The following PRDM15 variants were observed in gnomAD, a reference collection of about 807,000 sequenced individuals.
PRDM15 encodes the protein PR domain zinc finger protein 15.
In PRDM15, 64 loss-of-function variants were observed where a neutral mutation model predicts 128.6. The ratio of observed to expected loss-of-function variants is 0.50; its 90% CI spans 0.41 to 0.61. The LOEUF (loss-of-function observed/expected upper bound fraction) is 0.61. Among genes scored for constraint, PRDM15 ranks in the 20% least tolerant of loss-of-function variants. The pLI is 0.00. For synonymous variants in PRDM15, 615 were observed against 621.8 expected, an observed-to-expected ratio of 0.99 and a Z score of 0.16; for missense variants, 1,242 against 1,569.1, an observed-to-expected ratio of 0.79 and a Z score of 3.52.
chr21:41,832,675 C>T lies in PRDM15; in HGVS notation c.1366+2762G>A, dbSNP rs1489567032. Among the ~76,000 whole-genome samples, 1 of 152,076 alleles carries T rather than the reference C, an allele frequency of 6.6e-6. No homozygotes were observed. The highest frequency in any genetic ancestry group is 2.4e-5 in the African/African-American group (1 of 41,392). On this transcript the variant is annotated intron_variant, in intron 11 of 23. Transcript: ENST00000398548. This position sits in a 1 kb window ranked among gnomAD's most constrained non-coding sequence, Gnocchi z 4.2. ...TAAAGAGCACAGGTGAGCCTCCTTCCCAGGCAGGTACCAACCAATACAAGT... is the reference window on the plus strand; with the variant it reads ...TAAAGAGCACAGGTGAGCCTCCTTCTCAGGCAGGTACCAACCAATACAAGT...
At chr21:41,806,261 C>T (rs1285807623) in intron 21 of PRDM15, among the ~76,000 whole-genome samples, 1 of 858 alleles carries the variant, frequency 1.2e-3, no homozygotes. Context: ...ACCACCATCA[C>T]CACCACCCAT....
At position 41,832,417 on chromosome 21, in the gene PRDM15, G is replaced by A. The variant is rs574511656; in HGVS notation, c.1366+3020C>T. ...ATCACCAGAGGCCACACCTTACAGCGCTGTGGCATCGGATCACCACAGGCC... is the reference window on the plus strand; with the variant it reads ...ATCACCAGAGGCCACACCTTACAGCACTGTGGCATCGGATCACCACAGGCC... On this transcript the variant is annotated intron_variant, in intron 11 of 23. Transcript: ENST00000398548. The surrounding 1 kb of genome is among the most constrained non-coding windows in gnomAD (Gnocchi z 4.2). 1.1e-4 allele frequency among the ~76,000 whole-genome samples: 16 copies of A among 149,958 alleles called. No individual in the cohort carries two copies. The South Asian group carries it at 2.1e-3, about 20-fold the overall frequency.
intron 11 of PRDM15, among the ~76,000 whole-genome samples, chr21:41,835,011 G>T (rs908445584): frequency 6.6e-6 from 1 of 152,188 alleles, no homozygotes; most frequent in East Asian, 1.9e-4. Flanking sequence ...AGGAGATGTG[G>T]ATGGAGGAGG....
intron 6 of PRDM15, among the ~76,000 whole-genome samples, chr21:41,843,282 T>A (rs565040912): frequency 6.6e-6 from 1 of 152,320 alleles, no homozygotes; most frequent in South Asian, 2.1e-4. Context: ...AACACATCAG[T>A]TAATGCTCGA....
In PRDM15 at chr21:41,860,379, GGA is replaced by G; in HGVS notation, c.-9-9_-9-8del. 6.2e-7 allele frequency: 1 copy of G among 1,612,892 alleles called. No individual in the cohort carries two copies. Among genetic ancestry groups the G allele is most frequent in the Non-Finnish European group, 8.5e-7 (1 of 1,178,968 alleles). On this transcript the variant is annotated splice_polypyrimidine_tract_variant and splice_region_variant and intron_variant, in intron 1 of 23. Transcript: ENST00000398548. ...CTTCAGCCATCTCTGACACCTGTCA[GGA>G]TACAAGAGAGCCTCATTAATGACAA...
At chr21:41,873,641 C>T (rs536543010) in intron 1 of PRDM15, among the ~76,000 whole-genome samples, 5 of 152,146 alleles carry the variant, frequency 3.3e-5, no homozygotes, top group Admixed American at 1.3e-4. Flanking sequence ...ATTTCTTCTC[C>T]GTTCTCACTT....
rs1415747885 is a variant in PRDM15 at position 41,800,945 on chromosome 21, A to T, written c.*295T>A. ...CTTTCCCGAACCCTGTGTCGGGCGAACACTGGTTCTGTAAGGGGAGGCAGA... is the reference window on the plus strand; with the variant it reads ...CTTTCCCGAACCCTGTGTCGGGCGATCACTGGTTCTGTAAGGGGAGGCAGA... On this transcript the variant is annotated 3_prime_UTR_variant, in exon 24 of 24. Transcript: ENST00000398548. The T allele has an allele frequency of 5.6e-6, 2 of 355,598 alleles. No individual in the cohort carries two copies. The highest frequency in any genetic ancestry group is 8.8e-5 in the East Asian group (2 of 22,796). The allele number at this position is 355,598 out of a possible 1,614,324, so 22.0% of individuals were successfully genotyped here.
Position 41,864,740 on chromosome 21 carries a change from C to T in PRDM15, c.-9-4368G>A, listed in dbSNP as rs747490342. On this transcript the variant is annotated intron_variant, in intron 1 of 23. Coordinates refer to ENST00000398548, the MANE Select transcript of PRDM15 (RefSeq NM_001040424.3). ...GGCCGCCAACCCATTTTCCACACTG[C>T]AGAGCAGTTCTTCTAGAACATAAAT... Among the ~76,000 whole-genome samples, 24 of 152,260 alleles carry T rather than the reference C, an allele frequency of 1.6e-4. No homozygotes were observed. The Middle Eastern group carries it at 0.01, about 65-fold the overall frequency.
At chr21:41,864,580 T>A (rs572617120) in intron 1 of PRDM15, among the ~76,000 whole-genome samples, 18 of 151,856 alleles carry the variant, frequency 1.2e-4, no homozygotes, top group Non-Finnish European at 2.1e-4. Flanking sequence ...CGCTGTGACC[T>A]CTCTCGCCTC....
chr21:41,829,425 A>G (rs2062604335), intron 11 of PRDM15, among the ~76,000 whole-genome samples: 1 of 151,976 alleles, frequency 6.6e-6, no homozygotes, highest in African/African-American at 2.4e-5. Context: ...AAATAACACC[A>G]CACACAGAAG....
At chr21:41,871,500 G>A (rs144082033) in intron 1 of PRDM15, 1 of 1,600,750 alleles carries the variant, frequency 6.2e-7, no homozygotes, top group Non-Finnish European at 8.5e-7. Context: ...CCACCAGGAG[G>A]TAGGGCAGGA....
chr21:41,861,432 TG>T, intron 1 of PRDM15: 1 of 743,786 alleles, frequency 1.3e-6, no homozygotes, highest in Non-Finnish European at 2.2e-6. Context: ...CTCACATTCC[TG>T]GGCTGTAAAA....
chr21:41,806,054 CCACCATCACCAT>C (rs1568880158), intron 21 of PRDM15, among the ~76,000 whole-genome samples: 3 of 69,660 alleles, frequency 4.3e-5, no homozygotes, highest in Non-Finnish European at 9.2e-5. Flanking sequence ...ATCACCACCA[CCACCATCACCAT>C]CACCACCACC....
intron 19 of PRDM15, chr21:41,812,554 G>C (rs939668856): frequency 6.6e-6 from 1 of 152,180 alleles, no homozygotes; most frequent in Non-Finnish European, 1.5e-5. Context: ...CGAAAAGGCC[G>C]GCCCTTAGCG....
At chr21:41,820,631 G>GT (rs755366064) in intron 16 of PRDM15, among the ~76,000 whole-genome samples, 3 of 152,224 alleles carry the variant, frequency 2.0e-5, no homozygotes, top group Non-Finnish European at 4.4e-5. Flanking sequence ...ACTGAAGATG[G>GT]TAAGTGTCTG....
chr21:41,828,364 T>C lies in PRDM15; in HGVS notation c.1367-31A>G. Reference sequence around the variant, plus strand: ...CAGAGAGCAAACAAACACACAACGATTTTGAGGTAAATAACATCTCACGCA... The same window carrying C: ...CAGAGAGCAAACAAACACACAACGACTTTGAGGTAAATAACATCTCACGCA... On this transcript the variant is annotated intron_variant, in intron 11 of 23. Transcript: ENST00000398548. This position sits in a 1 kb window ranked among gnomAD's most constrained non-coding sequence, Gnocchi z 5.7. 1.9e-6 allele frequency: 3 copies of C among 1,611,188 alleles called. No homozygotes were observed. Among genetic ancestry groups the C allele is most frequent in the Non-Finnish European group, 2.5e-6 (3 of 1,177,882 alleles).
chr21:41,802,161 G>C (rs1480347419), intron 23 of PRDM15, among the ~76,000 whole-genome samples: 2 of 152,110 alleles, frequency 1.3e-5, no homozygotes, highest in African/African-American at 2.4e-5. Context: ...AATAAATGAG[G>C]AACTTTTGCA....
chr21:41,851,019 C>T lies in PRDM15; in HGVS notation c.538+3547G>A, dbSNP rs550104845. Among the ~76,000 whole-genome samples the T allele has an allele frequency of 9.8e-5, 15 of 152,302 alleles. No homozygotes were observed. The South Asian group carries it at 2.7e-3, about 27-fold the overall frequency. ...CCACAATAAGTAATTTACAGGAAGA[C>T]GGTTCCTGGGTTCGTCGGCTGCCAA... is the stretch of plus-strand genomic sequence containing the variant. On this transcript the variant is annotated intron_variant, in intron 5 of 23. Transcript: ENST00000398548.
At chr21:41,836,885 T>C (rs796670902) in intron 8 of PRDM15, 104 of 344,594 alleles carry the variant, frequency 3.0e-4, no homozygotes, top group African/African-American at 2.1e-3. Context: ...CCTGACTCTG[T>C]TCTAACTCTG....
Sources: allele counts gnomAD v4.1 joint callset (sites outside exome capture counted in the v4.1 genomes callset), GRCh38; gene constraint gnomAD v4.1.1; non-coding constraint Gnocchi (gnomAD v3.1); transcripts MANE v1.5; gene names NCBI Gene and HGNC (gene_info 2026-07-23, HGNC 2026-07-21).